FAHD2B: variants seen among roughly 807,000 people sequenced by gnomAD.
The protein encoded by FAHD2B is oxaloacetate tautomerase FAHD2B, mitochondrial.
FAHD2B carries 26 observed loss-of-function variants against 33.7 expected under a neutral mutation model. That is an observed-to-expected ratio of 0.77 (90% CI 0.57 to 1.07). The LOEUF (loss-of-function observed/expected upper bound fraction) is 1.07. FAHD2B is among the 50% of genes least tolerant of loss of function. The pLI, the probability that FAHD2B is intolerant of heterozygous loss-of-function variation, is 0.00. For missense variants in FAHD2B, 272 were observed against 388.1 expected, an observed-to-expected ratio of 0.70 and a Z score of 2.51; for synonymous variants, 108 against 150.9, an observed-to-expected ratio of 0.72 and a Z score of 2.08.
intron 4 of FAHD2B, among the ~76,000 whole-genome samples, chr2:97,088,238 C>T (rs1368407500): frequency 6.6e-6 from 1 of 152,090 alleles, no homozygotes; most frequent in Non-Finnish European, 1.5e-5. Context: ...CCATATGACA[C>T]TCAAAGCGTA....
Position 97,083,803 on chromosome 2 carries a change from G to A in FAHD2B, c.897C>T (p.Val299=). Reference sequence around the variant, plus strand: ...CACCTAGTTCTTCAATCTCACACTGGACTTCATCCCCCTTCTGCAACAGAG... The same window carrying A: ...CACCTAGTTCTTCAATCTCACACTGAACTTCATCCCCCTTCTGCAACAGAG... The part of the protein sequence containing the change: ...PPVFLKKGDE[V]QCEIEELGVI... Residue 299 remains valine, a synonymous_variant, in exon 9 of 9, where the codon GTC becomes GTT. Transcript: ENST00000414820. 5 of 1,614,104 alleles carry A rather than the reference G, an allele frequency of 3.1e-6. No homozygotes were observed. Among genetic ancestry groups the A allele is most frequent in the Non-Finnish European group, 4.2e-6 (5 of 1,180,042 alleles).
chr2:97,092,485 T>C (rs2032405953), intron 1 of FAHD2B, among the ~76,000 whole-genome samples: 2 of 152,098 alleles, frequency 1.3e-5, no homozygotes. Context: ...CCTCCCTGGA[T>C]CCAGGGCACA....
rs532686176 is a variant in FAHD2B at position 97,092,377 on chromosome 2, A to G, written c.-132-389T>C. Among the ~76,000 whole-genome samples the G allele has an allele frequency of 2.0e-3, 308 of 152,172 alleles. 2 individuals are homozygous for G. The Middle Eastern group carries it at 0.024, about 12-fold the overall frequency. Reference sequence around the variant, plus strand: ...ACCCCCACCTGCCTCCCCAGATAATAATTATTTCATTTCTCCTGATAGAGA... The same window carrying G: ...ACCCCCACCTGCCTCCCCAGATAATGATTATTTCATTTCTCCTGATAGAGA... On this transcript the variant is annotated intron_variant, in intron 1 of 8. Coordinates refer to ENST00000414820, the MANE Select transcript of FAHD2B (RefSeq NM_001320848.2).
rs1340839604 is a variant in FAHD2B, at chr2:97,094,843, C to G, written c.-275G>C. ...ACTACAGCAGCGGCGAAGTCACTGCCGCTCGGTGCGCACTCCAGCGAGAAG... is the reference window on the plus strand; with the variant it reads ...ACTACAGCAGCGGCGAAGTCACTGCGGCTCGGTGCGCACTCCAGCGAGAAG... On this transcript the variant is annotated 5_prime_UTR_variant, in exon 1 of 9. Coordinates refer to ENST00000414820, the MANE Select transcript of FAHD2B (RefSeq NM_001320848.2). 1.5e-5 allele frequency: 2 copies of G among 130,828 alleles called. No individual in the cohort carries two copies. The highest frequency in any genetic ancestry group is 3.2e-5 in the Non-Finnish European group (2 of 62,214). 8.1% of individuals were successfully genotyped at this position (130,828 alleles called of 1,614,324 possible). A position where few individuals can be genotyped will look rare whatever the true frequency, so the allele number is the denominator to read the frequency against.
intron 8 of FAHD2B, 49 bp downstream of exon 8, chr2:97,083,899 C>T: frequency 1.2e-6 from 2 of 1,614,000 alleles, no homozygotes; most frequent in East Asian, 4.5e-5. Context: ...CTGAGCCAAG[C>T]CTGCCAGGCC....
chr2:97,081,112 C>T (rs913663324), downstream of FAHD2B: 250 of 1,508,330 alleles, frequency 1.7e-4, 1 homozygote, highest in African/African-American at 1.8e-3. Context: ...CTGTGCAGTG[C>T]GGGGGCTGCT....
At chr2:97,083,273 A>C, downstream of FAHD2B, 1 of 1,604,190 alleles carries the variant, frequency 6.2e-7, no homozygotes, top group African/African-American at 1.3e-5. Flanking sequence ...TGTGAGGAGG[A>C]GCCTGTGCTG....
intron 1 of FAHD2B, among the ~76,000 whole-genome samples, chr2:97,093,109 T>C (rs2032452225): frequency 6.6e-6 from 1 of 152,076 alleles, no homozygotes; most frequent in African/African-American, 2.4e-5. Context: ...CATGGTGCCT[T>C]CCCTGAATGG....
At chr2:97,091,259 T>C (rs186114777) in intron 3 of FAHD2B, among the ~76,000 whole-genome samples, 180 of 132,326 alleles carry the variant, frequency 1.4e-3, no homozygotes, top group Non-Finnish European at 2.2e-3. Flanking sequence ...TCACCTCCCC[T>C]AGCTCTCTGT....
At chr2:97,078,821 C>A (rs548769707), downstream of FAHD2B, among the ~76,000 whole-genome samples, 1 of 151,988 alleles carries the variant, frequency 6.6e-6, no homozygotes, top group East Asian at 1.9e-4. Context: ...CATAGGTAAA[C>A]ATGTGTCATA....
intron 5 of FAHD2B, 100 bp from the exon 6 acceptor site, chr2:97,085,961 C>T (rs1383423783): frequency 6.5e-7 from 1 of 1,540,682 alleles, no homozygotes; most frequent in Non-Finnish European, 8.8e-7. Context: ...TGTTAGTAGC[C>T]AGAGCCAGCC....
At chr2:97,084,073 T>G in intron 7 of FAHD2B, 38 bp from the exon 8 acceptor site, 1 of 1,613,292 alleles carries the variant, frequency 6.2e-7, no homozygotes, top group Non-Finnish European at 8.5e-7. Flanking sequence ...GACCAGGGGC[T>G]GGCTGAGTGG....
downstream of FAHD2B, among the ~76,000 whole-genome samples, chr2:97,080,442 CTA>C (rs758613824): frequency 6.6e-6 from 1 of 151,970 alleles, no homozygotes; most frequent in Non-Finnish European, 1.5e-5. Context: ...TTCCATTGGT[CTA>C]TGTGTCTTTT....
chr2:97,082,431 C>T, downstream of FAHD2B: 8 of 1,613,762 alleles, frequency 5.0e-6, no homozygotes, highest in South Asian at 7.7e-5. Flanking sequence ...GTTCCAGTTC[C>T]TGCAGGCCAC....
At chr2:97,081,569 C>A, downstream of FAHD2B, 4 of 1,521,096 alleles carry the variant, frequency 2.6e-6, no homozygotes, top group Non-Finnish European at 3.5e-6. Context: ...CCTCCTCCAG[C>A]CTCCCACCCT....
intron 4 of FAHD2B, among the ~76,000 whole-genome samples, chr2:97,088,196 A>G (rs866387321): frequency 2.4e-4 from 37 of 152,270 alleles, no homozygotes; most frequent in South Asian, 1.0e-3. Context: ...TTTTCACACT[A>G]TAACAGCAGA....
chr2:97,080,039 G>T (rs1287360746), downstream of FAHD2B, among the ~76,000 whole-genome samples: 13 of 152,060 alleles, frequency 8.5e-5, no homozygotes, highest in African/African-American at 3.1e-4. Flanking sequence ...CATTCTTTAG[G>T]TTGTCTGTTT....
In FAHD2B at chr2:97,085,702, C is replaced by A; in HGVS notation, c.682G>T (p.Ala228Ser). 1 of 1,613,762 alleles carries A rather than the reference C, an allele frequency of 6.2e-7. No homozygotes were observed. Among genetic ancestry groups the A allele is most frequent in the Non-Finnish European group, 8.5e-7 (1 of 1,179,816 alleles). The change falls in exon 6 of 9, where the codon GCA (alanine) becomes TCA (serine). Residue 228 changes from alanine to serine, a missense_variant. By Grantham distance (99) the Ala-to-Ser change is moderately conservative. Transcript: ENST00000414820. The stretch of plus-strand genomic sequence containing the variant: ...GGGGCAGGGACCAGGGACCTACCTG[C>A]TACACTGTCCTTGGTCACCAAGGCA... The part of the protein sequence containing the change: ...GPALVTKDSV[A>S]DPHNLKICCR...
downstream of FAHD2B, chr2:97,082,358 T>C: frequency 1.2e-6 from 2 of 1,611,696 alleles, no homozygotes; most frequent in Non-Finnish European, 1.7e-6. Context: ...GCAGGCTGTG[T>C]CTGTGCTGGG....
Sources: allele counts gnomAD v4.1 joint callset (sites outside exome capture counted in the v4.1 genomes callset), GRCh38; gene constraint gnomAD v4.1.1; transcripts MANE v1.5; gene names NCBI Gene and HGNC (gene_info 2026-07-23, HGNC 2026-07-21).